The following GRIN3B variants were observed in gnomAD, a reference collection of about 807,000 sequenced individuals.
GRIN3B encodes the protein glutamate ionotropic receptor NMDA type subunit 3B.
A neutral mutation model predicts 66.0 loss-of-function variants in GRIN3B; 77 were observed. That is an observed-to-expected ratio of 1.17 (90% CI 0.97 to 1.41). The LOEUF (loss-of-function observed/expected upper bound fraction) is 1.41. Among genes scored for constraint, GRIN3B ranks in the 40% most tolerant of loss-of-function variants. The pLI is 0.00. For synonymous variants in GRIN3B, 823 were observed against 749.7 expected (o/e 1.10, Z -1.60); for missense variants, 1,787 against 1,564.5 (o/e 1.14, Z -2.40).
In GRIN3B at chr19:1,007,810, T is replaced by TG. The variant is rs1568392592; in HGVS notation, c.2198+41dup. ...CGCGGGGTGAGGCGGGGGCGGGGCG[T>TG]GGGGTGGGCGGGGCGATGGCTGACC... is the stretch of plus-strand genomic sequence containing the variant. On this transcript the variant is annotated intron_variant, in intron 4 of 8. Coordinates refer to ENST00000234389, the MANE Select transcript of GRIN3B (RefSeq NM_138690.3). The surrounding 1 kb of genome is among the most constrained non-coding windows in gnomAD (Gnocchi z 4.4). The TG allele has an allele frequency of 4.6e-6, 7 of 1,528,946 alleles. No homozygotes were observed. Among genetic ancestry groups the TG allele is most frequent in the Non-Finnish European group, 6.2e-6 (7 of 1,136,870 alleles). 94.7% of individuals were successfully genotyped at this position (1,528,946 alleles called of 1,614,324 possible). A position where few individuals can be genotyped will look rare whatever the true frequency, so the allele number is the denominator to read the frequency against.
Position 1,007,655 on chromosome 19 carries a change from T to A in GRIN3B, c.2080T>A (p.Phe694Ile). Reference sequence around the variant, plus strand: ...GCACCACCCGGCGCAGGGCTTCCGCTTCGGCACCGTGTGGGAGAGCAGCGC... The same window carrying A: ...GCACCACCCGGCGCAGGGCTTCCGCATCGGCACCGTGTGGGAGAGCAGCGC... ...KLHHPAQGFR[F>I]GTVWESSAEA... The change falls in exon 4 of 9, where the codon TTC becomes ATC. Residue 694 changes from phenylalanine to isoleucine, a missense_variant. Physicochemically the swap from Phe to Ile is conservative, Grantham distance 21. Coordinates refer to ENST00000234389, the MANE Select transcript of GRIN3B (RefSeq NM_138690.3). The surrounding 1 kb of genome is among the most constrained non-coding windows in gnomAD (Gnocchi z 4.4). The A allele has an allele frequency of 6.5e-7, 1 of 1,528,308 alleles. No homozygotes were observed. The highest frequency in any genetic ancestry group is 1.2e-5 in the South Asian group (1 of 81,594). 94.7% of individuals were successfully genotyped at this position (1,528,308 alleles called of 1,614,324 possible).
At chr19:1,004,394 G>A (rs756015138) in intron 2 of GRIN3B, 127 bp from the exon 3 acceptor site, 54 of 795,914 alleles carry the variant, frequency 6.8e-5, no homozygotes, top group Non-Finnish European at 1.0e-4. Context: ...GACACCAGGA[G>A]CGTCCACGTT....
Position 1,000,713 on chromosome 19 carries a change from C to T in GRIN3B, c.276C>T (p.Cys92=), listed in dbSNP as rs1435473672. 4 of 1,418,494 alleles carry T rather than the reference C, an allele frequency of 2.8e-6. No homozygotes were observed. Among genetic ancestry groups the T allele is most frequent in the Non-Finnish European group, 3.7e-6 (4 of 1,087,438 alleles). 87.9% of individuals were successfully genotyped at this position (1,418,494 alleles called of 1,614,324 possible). ...CCGCCTCGCTGACCCGCGGCCTGTG[C>T]CAGGCGCTGGTGCCTCCGGGCGTGG... is the stretch of plus-strand genomic sequence containing the variant. ...RDPASLTRGL[C]QALVPPGVAA... The change falls in exon 1 of 9, where the codon TGC becomes TGT. Residue 92 remains cysteine (C), a synonymous_variant. Transcript: ENST00000234389.
chr19:1,004,672 G>A lies in GRIN3B; in HGVS notation c.1171G>A (p.Asp391Asn), dbSNP rs1412871049. The A allele has an allele frequency of 6.3e-7, 1 of 1,598,060 alleles. No individual in the cohort carries two copies. ...PAWATVGSWR[D>N]GQLDLEPGGA... ...CTGGGCCACGGTGGGCAGCTGGCGG[G>A]ACGGCCAGCTGGACTTGGAACCGGG... Residue 391 changes from aspartate (D) to asparagine (N), a missense_variant, in exon 3 of 9, where the codon GAC becomes AAC. Physicochemically the swap from Asp to Asn is conservative, Grantham distance 23. Coordinates refer to ENST00000234389, the MANE Select transcript of GRIN3B (RefSeq NM_138690.3).
Position 1,007,923 on chromosome 19 carries a change from G to A in GRIN3B, c.2266G>A (p.Asp756Asn), listed in dbSNP as rs759031411. 1.9e-6 allele frequency: 3 copies of A among 1,612,086 alleles called. No individual in the cohort carries two copies. Among genetic ancestry groups the A allele is most frequent in the East Asian group, 2.2e-5 (1 of 44,868 alleles). The change falls in exon 5 of 9, where the codon GAC becomes AAC. Residue 756 changes from aspartate (D) to asparagine (N), a missense_variant. Physicochemically the swap from Asp to Asn is conservative, Grantham distance 23 (BLOSUM62 1). Transcript: ENST00000234389. The surrounding 1 kb of genome is among the most constrained non-coding windows in gnomAD (Gnocchi z 4.4). ...KSLLDYEVSIDADCKLLTVGK... is the reference protein window; with the variant it reads ...KSLLDYEVSINADCKLLTVGK... Reference sequence around the variant, plus strand: ...GCTCCTGGACTACGAGGTCTCCATCGACGCCGACTGCAAACTGCTGACCGT... The same window carrying A: ...GCTCCTGGACTACGAGGTCTCCATCAACGCCGACTGCAAACTGCTGACCGT...
rs2038741576 is a variant in GRIN3B, at chr19:1,005,674, C to A, written c.2052+121C>A. ...GACGTCCACTAGGCCAACTCTGGTC[C>A]CAAGAGACATTTATTCAATTAATTT... On this transcript the variant is annotated intron_variant, in intron 3 of 8. Transcript: ENST00000234389. The surrounding 1 kb of genome is among the most constrained non-coding windows in gnomAD (Gnocchi z 5.2). The A allele has an allele frequency of 1.4e-6, 1 of 719,718 alleles. No homozygotes were observed. The highest frequency in any genetic ancestry group is 2.2e-6 in the Non-Finnish European group (1 of 447,708). 44.6% of individuals were successfully genotyped at this position (719,718 alleles called of 1,614,324 possible).
In GRIN3B at chr19:1,003,149, T is replaced by A. The variant is rs1273736106; in HGVS notation, c.446T>A (p.Leu149Gln). Reference sequence around the variant, plus strand: ...TCCCAGAACCCATTCCACCTGCAGCTGCACTGGGCCAGCCCCCTGGAGACG... The same window carrying A: ...TCCCAGAACCCATTCCACCTGCAGCAGCACTGGGCCAGCCCCCTGGAGACG... ...LGAPNPFHLQ[L>Q]HWASPLETLL... The change falls in exon 2 of 9, where the codon CTG (leucine) becomes CAG (glutamine). Residue 149 changes from leucine to glutamine, a missense_variant. By Grantham distance (113) the Leu-to-Gln change is moderately radical (BLOSUM62 -2). Transcript: ENST00000234389. 3 of 1,459,926 alleles carry A rather than the reference T, an allele frequency of 2.1e-6. No homozygotes were observed. The highest frequency in any genetic ancestry group is 2.7e-6 in the Non-Finnish European group (3 of 1,108,466). 90.4% of individuals were successfully genotyped at this position (1,459,926 alleles called of 1,614,324 possible).
rs767183203 is a variant in GRIN3B, at chr19:1,009,357, C to T, written c.2887C>T (p.Leu963=). The T allele has an allele frequency of 1.2e-4, 170 of 1,386,502 alleles. No homozygotes were observed. Among genetic ancestry groups the T allele is most frequent in the Non-Finnish European group, 5.2e-5 (56 of 1,079,666 alleles). The allele number at this position is 1,386,502 out of a possible 1,614,324, so 85.9% of individuals were successfully genotyped here. A position where few individuals can be genotyped will look rare whatever the true frequency, so the allele number is the denominator to read the frequency against. The stretch of plus-strand genomic sequence containing the variant: ...TGCGCCGCGAGAGGGCCCCGTCTGG[C>T]TGTGCTCCTACGGCCGCCCGCCCGC... ...EAAPREGPVW[L]CSYGRPPAAR... is the part of the protein sequence containing the mutation. Residue 963 remains leucine, a synonymous_variant, in exon 9 of 9, where the codon CTG becomes TTG. Transcript: ENST00000234389.
chr19:1,003,350 G>C lies in GRIN3B; in HGVS notation c.647G>C (p.Arg216Pro). ...CGGGACACGGGAGATGCAGGACTGC[G>C]GGCACGCCTGGCCCCGATGGCGGCG... ...SRRDTGDAGL[R>P]ARLAPMAAPV... The change falls in exon 2 of 9, where the codon CGG becomes CCG. Residue 216 changes from arginine to proline, a missense_variant. Coordinates refer to ENST00000234389, the MANE Select transcript of GRIN3B (RefSeq NM_138690.3). 1 of 1,578,270 alleles carries C rather than the reference G, an allele frequency of 6.3e-7. No individual in the cohort carries two copies. Among genetic ancestry groups the C allele is most frequent in the Non-Finnish European group, 8.6e-7 (1 of 1,166,284 alleles).
chr19:1,003,028 C>A, intron 1 of GRIN3B, 102 bp from the exon 2 acceptor site: 1 of 755,988 alleles, frequency 1.3e-6, no homozygotes. Flanking sequence ...GGAGGTGCAG[C>A]CATCCAGCTG....
chr19:1,009,690 A>C lies in GRIN3B; in HGVS notation c.*88A>C. On this transcript the variant is annotated 3_prime_UTR_variant, in exon 9 of 9. Coordinates refer to ENST00000234389, the MANE Select transcript of GRIN3B (RefSeq NM_138690.3). ...ACAGTTTATTCTATATACAAACACA[A>C]TTTTGTACACTGCAATTAAATAGAA... 9.4e-7 allele frequency: 1 copy of C among 1,059,650 alleles called. No individual in the cohort carries two copies. The highest frequency in any genetic ancestry group is 1.3e-6 in the Non-Finnish European group (1 of 798,244). 65.6% of individuals were successfully genotyped at this position (1,059,650 alleles called of 1,614,324 possible).
chr19:1,004,831 C>G lies in GRIN3B; in HGVS notation c.1330C>G (p.Leu444Val). Residue 444 changes from leucine (L) to valine (V), a missense_variant, in exon 3 of 9, where the codon CTG (leucine) becomes GTG (valine). Physicochemically the swap from Leu to Val is conservative, Grantham distance 32. Transcript: ENST00000234389. ...DEDGQCPAGQ[L>V]CLDPGTNDSA... is the part of the protein sequence containing the mutation. ...AGACGGGCAGTGCCCAGCGGGGCAG[C>G]TGTGCCTGGACCCTGGCACCAACGA... 1 of 1,612,558 alleles carries G rather than the reference C, an allele frequency of 6.2e-7. No individual in the cohort carries two copies. The highest frequency in any genetic ancestry group is 1.6e-4 in the Middle Eastern group (1 of 6,062).
chr19:1,004,510 C>T lies in GRIN3B; in HGVS notation c.1020-11C>T. The T allele has an allele frequency of 2.5e-6, 4 of 1,570,704 alleles. No individual in the cohort carries two copies. The highest frequency in any genetic ancestry group is 2.6e-6 in the Non-Finnish European group (3 of 1,155,716). ...CTTCGACACCTGACACCCCCCCCGC[C>T]CTGCCCCTAGGTTCCTGGCCAACAC... is the stretch of plus-strand genomic sequence containing the variant. On this transcript the variant is annotated splice_polypyrimidine_tract_variant and intron_variant, in intron 2 of 8. Transcript: ENST00000234389.
Position 1,009,283 on chromosome 19 carries a change from T to G in GRIN3B, c.2813T>G (p.Leu938Arg). The change falls in exon 9 of 9, where the codon CTG (leucine) becomes CGG (arginine). Residue 938 changes from leucine to arginine, a missense_variant. Coordinates refer to ENST00000234389, the MANE Select transcript of GRIN3B (RefSeq NM_138690.3). The stretch of plus-strand genomic sequence containing the variant: ...AAGGAGCGCCGCGTGCGCTTCCTGC[T>G]GGAGCCCGCCGTGGTTGTGGCACCC... ...VDKERRVRFL[L>R]EPAVVVAPEA... 1 of 1,413,024 alleles carries G rather than the reference T, an allele frequency of 7.1e-7. No individual in the cohort carries two copies. The highest frequency in any genetic ancestry group is 9.1e-7 in the Non-Finnish European group (1 of 1,094,300). The allele number at this position is 1,413,024 out of a possible 1,614,324, so 87.5% of individuals were successfully genotyped here.
In GRIN3B at chr19:1,003,541, G is replaced by GAAA; in HGVS notation, c.838_839insAAA (p.Ala280delinsGluThr). 6.6e-7 allele frequency: 1 copy of GAAA among 1,523,244 alleles called. No individual in the cohort carries two copies. Among genetic ancestry groups the GAAA allele is most frequent in the African/African-American group, 1.4e-5 (1 of 70,842 alleles). 94.4% of individuals were successfully genotyped at this position (1,523,244 alleles called of 1,614,324 possible). On this transcript the variant is annotated protein_altering_variant, in exon 2 of 9. Transcript: ENST00000234389. The stretch of plus-strand genomic sequence containing the variant: ...CGCGGGGCTGCCACCAGGGCTGCTG[G>GAAA]CGCTGGGCGAGGTGGCACGACCCCC...
At position 1,007,879 on chromosome 19, in the gene GRIN3B, C is replaced by T. The variant is rs749339005; in HGVS notation, c.2222C>T (p.Ala741Val). The T allele has an allele frequency of 3.0e-5, 49 of 1,611,386 alleles. No individual in the cohort carries two copies. The highest frequency in any genetic ancestry group is 2.2e-4 in the Admixed American group (13 of 59,950). Residue 741 changes from alanine (A) to valine (V), a missense_variant, in exon 5 of 9, where the codon GCC becomes GTC. Transcript: ENST00000234389. This position sits in a 1 kb window ranked among gnomAD's most constrained non-coding sequence, Gnocchi z 4.4. ...MLTSDPPKLNAFIMDKSLLDY... is the reference protein window; with the variant it reads ...MLTSDPPKLNVFIMDKSLLDY... ...AGGAGCGACCCCCCCAAGCTCAACG[C>T]CTTCATCATGGACAAGTCGCTCCTG...
Position 1,007,386 on chromosome 19 carries a change from G to C in GRIN3B, c.2053-242G>C, listed in dbSNP as rs2038761633. ...GATGGACTTGCCGGCGTTTAGAACA[G>C]AGGGTCTCCACCCGGGGTGATCCTG... On this transcript the variant is annotated intron_variant, in intron 3 of 8. Coordinates refer to ENST00000234389, the MANE Select transcript of GRIN3B (RefSeq NM_138690.3). This position sits in a 1 kb window ranked among gnomAD's most constrained non-coding sequence, Gnocchi z 4.4. Among the ~76,000 whole-genome samples, 1 of 152,040 alleles carries C rather than the reference G, an allele frequency of 6.6e-6. No homozygotes were observed. Among genetic ancestry groups the C allele is most frequent in the Non-Finnish European group, 1.5e-5 (1 of 67,966 alleles).
rs1241818307 is a variant in GRIN3B, at chr19:1,007,725, T to A, written c.2150T>A (p.Met717Lys). ...AGCTTCCCCGACATGCACGCACACA[T>A]GCGGCGCCACAGCGCGCCCACCACG... ...KKSFPDMHAH[M>K]RRHSAPTTPR... is the part of the protein sequence containing the mutation. The change falls in exon 4 of 9, where the codon ATG becomes AAG. Residue 717 changes from methionine (M) to lysine (K), a missense_variant. Transcript: ENST00000234389. The surrounding 1 kb of genome is among the most constrained non-coding windows in gnomAD (Gnocchi z 4.4). The A allele has an allele frequency of 9.8e-6, 15 of 1,530,798 alleles. No homozygotes were observed. Among genetic ancestry groups the A allele is most frequent in the Non-Finnish European group, 6.1e-6 (7 of 1,140,032 alleles). The allele number at this position is 1,530,798 out of a possible 1,614,324, so 94.8% of individuals were successfully genotyped here. A position where few individuals can be genotyped will look rare whatever the true frequency, so the allele number is the denominator to read the frequency against.
Position 1,008,605 on chromosome 19 carries a change from G to A in GRIN3B, c.2467-13G>A. On this transcript the variant is annotated splice_polypyrimidine_tract_variant and intron_variant, in intron 6 of 8. Coordinates refer to ENST00000234389, the MANE Select transcript of GRIN3B (RefSeq NM_138690.3). Reference sequence around the variant, plus strand: ...TACGTGACCGTGCGGGGCTCCTGCTGTGTTGCCCCCAGACCCTGCAGATGA... The same window carrying A: ...TACGTGACCGTGCGGGGCTCCTGCTATGTTGCCCCCAGACCCTGCAGATGA... 1 of 1,594,164 alleles carries A rather than the reference G, an allele frequency of 6.3e-7. No homozygotes were observed. Among genetic ancestry groups the A allele is most frequent in the Non-Finnish European group, 8.5e-7 (1 of 1,176,110 alleles).
Sources: allele counts gnomAD v4.1 joint callset (sites outside exome capture counted in the v4.1 genomes callset), GRCh38; gene constraint gnomAD v4.1.1; non-coding constraint Gnocchi (gnomAD v3.1); transcripts MANE v1.5; gene names NCBI Gene and HGNC (gene_info 2026-07-23, HGNC 2026-07-21).